UBXN2A: variants seen among roughly 807,000 people sequenced by gnomAD.
The protein encoded by UBXN2A is UBX domain protein 2A.
Under a neutral mutation model 28.4 loss-of-function variants are expected in UBXN2A, and 28 were observed. The observed-to-expected ratio is 0.99, with a 90% CI of 0.73 to 1.35. The LOEUF (loss-of-function observed/expected upper bound fraction) is 1.35. Among genes scored for constraint, UBXN2A ranks in the 40% most tolerant of loss-of-function variants. The pLI is 0.00. For synonymous variants in UBXN2A, 97 were observed against 103.6 expected (o/e 0.94, Z 0.39); for missense variants, 253 against 297.9 (o/e 0.85, Z 1.11).
rs79621828 is a variant in UBXN2A at position 23,929,413 on chromosome 2, T to TA, written c.-138+1813dup. Among the ~76,000 whole-genome samples, 250 of 132,290 alleles carry TA rather than the reference T, an allele frequency of 1.9e-3. 1 individual carries two copies. Among genetic ancestry groups the TA allele is most frequent in the Middle Eastern group, 3.8e-3 (1 of 266 alleles). The allele number at this position is 132,290 out of a possible 152,430, so 86.8% of individuals were successfully genotyped here. A position where few individuals can be genotyped will look rare whatever the true frequency, so the allele number is the denominator to read the frequency against. On this transcript the variant is annotated intron_variant, in intron 1 of 7. Coordinates refer to the UBXN2A transcript ENST00000404924. The stretch of plus-strand genomic sequence containing the variant: ...TAACACCCTGTCTCAAAAAAATATT[T>TA]AAAAAAAAAAAAAAAGGGTAGGGTG...
chr2:23,979,921 T>C (rs1707827920), intron 4 of UBXN2A, among the ~76,000 whole-genome samples: 1 of 151,670 alleles, frequency 6.6e-6, no homozygotes, highest in African/African-American at 2.4e-5. Flanking sequence ...TATTTTCTTT[T>C]ATTTATGTAA....
intron 1 of UBXN2A, among the ~76,000 whole-genome samples, chr2:23,949,994 A>C (rs1706282637): frequency 6.6e-6 from 1 of 150,704 alleles, no homozygotes; most frequent in Non-Finnish European, 1.5e-5. Context: ...ATAATTTCTC[A>C]TCATCCCCCC....
At chr2:23,943,193 G>A (rs1164561320) in intron 1 of UBXN2A, among the ~76,000 whole-genome samples, 1 of 152,038 alleles carries the variant, frequency 6.6e-6, no homozygotes, top group African/African-American at 2.4e-5. Context: ...CAGACCTTCT[G>A]ATCTGCCCAC....
intron 1 of UBXN2A, among the ~76,000 whole-genome samples, chr2:23,929,187 A>G (rs549927719): frequency 6.6e-6 from 1 of 152,084 alleles, no homozygotes; most frequent in African/African-American, 2.4e-5. Flanking sequence ...CAGTGGCACA[A>G]CCACAGTTCA....
intron 6 of UBXN2A, 98 bp downstream of exon 6, chr2:23,984,929 T>A: frequency 7.6e-7 from 1 of 1,324,236 alleles, no homozygotes. Flanking sequence ...AGAGATAGAA[T>A]CTTTCTTTGT....
intron 1 of UBXN2A, among the ~76,000 whole-genome samples, chr2:23,930,747 A>C (rs116754834): frequency 2.2e-3 from 332 of 152,334 alleles, no homozygotes; most frequent in African/African-American, 7.7e-3. Context: ...GGCTGGTTGC[A>C]GTGGCTCATG....
At chr2:23,949,554 A>G (rs1246045298) in intron 1 of UBXN2A, among the ~76,000 whole-genome samples, 3 of 151,542 alleles carry the variant, frequency 2.0e-5, no homozygotes, top group Non-Finnish European at 2.9e-5. Context: ...TCTCAAAAAT[A>G]AATAAATAAA....
rs1483498205 is a variant in UBXN2A, at chr2:24,002,037, G to A, written c.*2170G>A. 2.0e-5 allele frequency: 3 copies of A among 152,160 alleles called. No individual in the cohort carries two copies. The highest frequency in any genetic ancestry group is 7.2e-5 in the African/African-American group (3 of 41,414). 9.4% of individuals were successfully genotyped at this position (152,160 alleles called of 1,614,324 possible). ...CACGCCTGTAATCCTAGCACTTTGGGAGGCCAAGACAGGTGGATCACTTGA... is the reference window on the plus strand; with the variant it reads ...CACGCCTGTAATCCTAGCACTTTGGAAGGCCAAGACAGGTGGATCACTTGA... On this transcript the variant is annotated 3_prime_UTR_variant, in exon 7 of 7. Transcript: ENST00000309033.
chr2:23,976,316 T>C (rs1707662147), intron 3 of UBXN2A, among the ~76,000 whole-genome samples: 2 of 152,206 alleles, frequency 1.3e-5, no homozygotes, highest in African/African-American at 4.8e-5. Flanking sequence ...GCTCTACTGC[T>C]CTTGCTCTGG....
intron 5 of UBXN2A, among the ~76,000 whole-genome samples, chr2:23,984,071 A>G (rs1708026105): frequency 6.6e-6 from 1 of 152,232 alleles, no homozygotes; most frequent in African/African-American, 2.4e-5. Context: ...CAGTGTCAGT[A>G]TCAAAGCCTT....
chr2:23,966,378 G>A lies in UBXN2A; in HGVS notation c.42-4898G>A, dbSNP rs373284205. Among the ~76,000 whole-genome samples, 135 of 151,478 alleles carry A rather than the reference G, an allele frequency of 8.9e-4. 1 individual carries two copies. Among genetic ancestry groups the A allele is most frequent in the African/African-American group, 3.1e-3 (129 of 41,244 alleles). On this transcript the variant is annotated intron_variant, in intron 2 of 6. Transcript: ENST00000309033. Reference sequence around the variant, plus strand: ...TCTTGATCTCTTGACCTCGTGATCCGCCCACCTTGGCCTCCCAAAGTGCTA... The same window carrying A: ...TCTTGATCTCTTGACCTCGTGATCCACCCACCTTGGCCTCCCAAAGTGCTA...
intron 5 of UBXN2A, 70 bp from the exon 6 acceptor site, chr2:23,984,603 A>T: frequency 8.3e-7 from 1 of 1,208,616 alleles, no homozygotes; most frequent in Non-Finnish European, 1.1e-6. Flanking sequence ...ATATTTTTAT[A>T]GTAATTATTT....
At chr2:23,938,256 G>A (rs1012873350), upstream of UBXN2A, among the ~76,000 whole-genome samples, 2 of 151,894 alleles carry the variant, frequency 1.3e-5, no homozygotes, top group Admixed American at 6.6e-5. Flanking sequence ...ATCTAAGGTC[G>A]GGAGTTCAAG....
intron 1 of UBXN2A, among the ~76,000 whole-genome samples, chr2:23,942,606 A>G (rs527972479): frequency 6.6e-6 from 1 of 151,244 alleles, no homozygotes; most frequent in Non-Finnish European, 1.5e-5. Flanking sequence ...TTTAGTAGAG[A>G]TGGAGTTTCA....
At chr2:23,928,535 C>G (rs1705231562) in intron 1 of UBXN2A, among the ~76,000 whole-genome samples, 1 of 151,932 alleles carries the variant, frequency 6.6e-6, no homozygotes, top group South Asian at 2.1e-4. Flanking sequence ...CAAGATCGTG[C>G]CACTGCACTC....
chr2:23,974,265 C>T (rs189596421), intron 3 of UBXN2A, among the ~76,000 whole-genome samples: 64 of 151,594 alleles, frequency 4.2e-4, no homozygotes, highest in Admixed American at 3.2e-3. Context: ...GATCCGCCCG[C>T]CTCAGCCTCC....
chr2:23,986,104 C>T (rs942504707), intron 6 of UBXN2A, among the ~76,000 whole-genome samples: 3 of 151,956 alleles, frequency 2.0e-5, no homozygotes, highest in African/African-American at 7.3e-5. Flanking sequence ...GTCAGGAGAT[C>T]GAGACCATCC....
intron 6 of UBXN2A, among the ~76,000 whole-genome samples, chr2:23,996,419 T>A (rs994407837): frequency 9.9e-5 from 15 of 151,724 alleles, no homozygotes; most frequent in Non-Finnish European, 8.8e-5. Context: ...TGCATTTGCA[T>A]TCCTATTGTT....
chr2:23,974,758 ACTT>A (rs1707585381), intron 3 of UBXN2A, among the ~76,000 whole-genome samples: 1 of 152,188 alleles, frequency 6.6e-6, no homozygotes, highest in East Asian at 1.9e-4. Context: ...TGGGTGAATC[ACTT>A]GAGGCCAGGA....
Sources: gnomAD v4.1 joint callset for allele counts (sites outside exome capture counted in the v4.1 genomes callset) on GRCh38, gnomAD v4.1.1 for gene constraint, MANE v1.5 for transcripts, NCBI Gene and HGNC (gene_info 2026-07-23, HGNC 2026-07-21) for gene names.